MINK1: variants seen among roughly 807,000 people sequenced by gnomAD.
MINK1 encodes misshapen like kinase 1, also known as misshapen-like kinase 1.
In MINK1, 46 loss-of-function variants were observed where a neutral mutation model predicts 178.4. The observed-to-expected ratio is 0.26, with a 90% confidence interval of 0.20 to 0.33. The LOEUF (loss-of-function observed/expected upper bound fraction) is 0.33, where lower values mean the gene tolerates loss of function less well. MINK1 is among the 10% of genes least tolerant of loss of function. The probability of loss-of-function intolerance (pLI) is 1.00; values close to 1 mark genes in which losing one functional copy is unlikely to be tolerated. For missense variants in MINK1, 1,366 were observed against 1,814.9 expected, an observed-to-expected ratio of 0.75 and a Z score of 4.49; for synonymous variants, 797 against 709.7, an observed-to-expected ratio of 1.12 and a Z score of -1.96.
In MINK1 at chr17:4,897,544, A is replaced by G; in HGVS notation, c.*257A>G. On this transcript the variant is annotated 3_prime_UTR_variant, in exon 32 of 32. Coordinates refer to ENST00000355280, the MANE Select transcript of MINK1 (RefSeq NM_153827.5). Reference sequence around the variant, plus strand: ...GGGACACAGCTTCCCCTTCCCAGGAATTGAGTGGGCCTAGCCCCTCCCCCC... The same window carrying G: ...GGGACACAGCTTCCCCTTCCCAGGAGTTGAGTGGGCCTAGCCCCTCCCCCC... 1 of 483,146 alleles carries G rather than the reference A, an allele frequency of 2.1e-6. No individual in the cohort carries two copies. Among genetic ancestry groups the G allele is most frequent in the Non-Finnish European group, 3.7e-6 (1 of 268,100 alleles). The allele number at this position is 483,146 out of a possible 1,614,324, so 29.9% of individuals were successfully genotyped here.
chr17:4,893,386 C>T (rs1969076566), intron 20 of MINK1, 48 bp from the exon 21 acceptor site: 1 of 1,603,466 alleles, frequency 6.2e-7, no homozygotes, highest in Non-Finnish European at 8.5e-7. Flanking sequence ...TGTCTACCTC[C>T]ACCCAGGCCC....
intron 1 of MINK1, among the ~76,000 whole-genome samples, chr17:4,862,667 GAA>G (rs1297511663): frequency 3.4e-5 from 5 of 148,712 alleles, no homozygotes; most frequent in Non-Finnish European, 6.0e-5. Context: ...AAAAAAAAAA[GAA>G]AAATTAGTTG....
Position 4,844,830 on chromosome 17 carries a change from GTGT to G in MINK1, c.57+11201_57+11203del, listed in dbSNP as rs546334417. Among the ~76,000 whole-genome samples the G allele has an allele frequency of 4.7e-3, 719 of 152,258 alleles. 3 individuals carry two copies. Among genetic ancestry groups the G allele is most frequent in the Middle Eastern group, 0.02 (6 of 294 alleles). On this transcript the variant is annotated intron_variant, in intron 1 of 31. Coordinates refer to ENST00000355280, the MANE Select transcript of MINK1 (RefSeq NM_153827.5). ...TCATTTCCCCCCACCCTTTAAAAAT[GTGT>G]TGTTGTTGTTTTTTAATGTGATTAA...
intron 13 of MINK1, chr17:4,890,214 TC>T (rs1567612614): frequency 2.1e-6 from 1 of 475,794 alleles, no homozygotes; most frequent in Admixed American, 5.3e-5. Context: ...CCACACCCCG[TC>T]CCCCAGGAAT....
At chr17:4,834,904 G>A (rs1909071034) in intron 1 of MINK1, 1 of 518,758 alleles carries the variant, frequency 1.9e-6, no homozygotes, top group African/African-American at 1.9e-5. Flanking sequence ...GAGGGGAGAG[G>A]GGAATTGAAG....
At chr17:4,873,310 A>G (rs968317373) in intron 1 of MINK1, among the ~76,000 whole-genome samples, 1 of 151,084 alleles carries the variant, frequency 6.6e-6, no homozygotes, top group Non-Finnish European at 1.5e-5. Flanking sequence ...AACATCCCCA[A>G]TTCAACATTC....
intron 1 of MINK1, among the ~76,000 whole-genome samples, chr17:4,872,346 A>G (rs1309326717): frequency 2.0e-5 from 3 of 150,348 alleles, no homozygotes; most frequent in African/African-American, 4.9e-5. Flanking sequence ...AAAAAAAAAA[A>G]GGATGGACAG....
At chr17:4,841,367 T>C (rs995109766) in intron 1 of MINK1, among the ~76,000 whole-genome samples, 1 of 152,108 alleles carries the variant, frequency 6.6e-6, no homozygotes, top group Admixed American at 6.6e-5. Flanking sequence ...TTTGAAGGGC[T>C]TGGGTTGCCG....
intron 21 of MINK1, 92 bp from the exon 22 acceptor site, chr17:4,893,896 C>T (rs975400704): frequency 2.2e-5 from 25 of 1,123,380 alleles, no homozygotes; most frequent in Non-Finnish European, 1.4e-5. Flanking sequence ...TGAATAGAGA[C>T]AAAAGCCTGG....
At chr17:4,856,119 AT>A (rs749501505) in intron 1 of MINK1, among the ~76,000 whole-genome samples, 34 of 152,206 alleles carry the variant, frequency 2.2e-4, no homozygotes, top group Non-Finnish European at 4.4e-4. Context: ...CCATAGGAAC[AT>A]TTAATCTGTC....
intron 1 of MINK1, among the ~76,000 whole-genome samples, chr17:4,850,412 G>A (rs1233138992): frequency 6.6e-6 from 1 of 151,948 alleles, no homozygotes; most frequent in Non-Finnish European, 1.5e-5. Context: ...ATTTATCCTG[G>A]GTTGGTCCTT....
At chr17:4,871,004 A>G in intron 1 of MINK1, 1 of 283,350 alleles carries the variant, frequency 3.5e-6, no homozygotes, top group Non-Finnish European at 7.7e-6. Flanking sequence ...CCTGGCAACC[A>G]CTAATCTACT....
At chr17:4,875,602 G>A (rs956205385) in intron 1 of MINK1, 13 of 389,562 alleles carry the variant, frequency 3.3e-5, no homozygotes, top group African/African-American at 1.9e-4. Flanking sequence ...GTGAAACCAC[G>A]TCTCTACTAA....
At chr17:4,892,601 A>G in intron 18 of MINK1, 55 bp from the exon 19 acceptor site, 1 of 1,546,422 alleles carries the variant, frequency 6.5e-7, no homozygotes, top group Non-Finnish European at 8.8e-7. Context: ...GCAGCTCAGC[A>G]CCCCAGAGAA....
chr17:4,887,552 A>C lies in MINK1; in HGVS notation c.1020-28A>C, dbSNP rs977093854. On this transcript the variant is annotated intron_variant, in intron 11 of 31. Coordinates refer to ENST00000355280, the MANE Select transcript of MINK1 (RefSeq NM_153827.5). The surrounding 1 kb of genome is among the most constrained non-coding windows in gnomAD (Gnocchi z 7.6). ...TGGGAACCAACAGGGTTCTGACCCC[A>C]GTGCTTCTTTGTGCCACCCCTGCCC... is the stretch of plus-strand genomic sequence containing the variant. 1 of 1,475,318 alleles carries C rather than the reference A, an allele frequency of 6.8e-7. No individual in the cohort carries two copies. Among genetic ancestry groups the C allele is most frequent in the African/African-American group, 1.4e-5 (1 of 70,318 alleles). 91.4% of individuals were successfully genotyped at this position (1,475,318 alleles called of 1,614,324 possible). A position where few individuals can be genotyped will look rare whatever the true frequency, so the allele number is the denominator to read the frequency against.
Position 4,890,511 on chromosome 17 carries a change from G to T in MINK1, c.1348-6G>T. On this transcript the variant is annotated splice_region_variant and splice_polypyrimidine_tract_variant and intron_variant, in intron 13 of 31. Transcript: ENST00000355280. ...CTGAGCCCTCTCTCCCTACCCTTGG[G>T]CCCAGGAATACAAGCGGAAGCAGCT... The T allele has an allele frequency of 6.3e-7, 1 of 1,583,590 alleles. No individual in the cohort carries two copies. Among genetic ancestry groups the T allele is most frequent in the Non-Finnish European group, 8.6e-7 (1 of 1,165,594 alleles).
Position 4,895,949 on chromosome 17 carries a change from C to G in MINK1, c.3365-54C>G. 1 of 1,564,444 alleles carries G rather than the reference C, an allele frequency of 6.4e-7. No homozygotes were observed. Among genetic ancestry groups the G allele is most frequent in the Non-Finnish European group, 8.7e-7 (1 of 1,153,982 alleles). ...AGTGTAGTGACAGACCACGGGGAGG[C>G]GCCCGTGGCGCAAGAAGGGAAGTCT... On this transcript the variant is annotated intron_variant, in intron 27 of 31. Coordinates refer to ENST00000355280, the MANE Select transcript of MINK1 (RefSeq NM_153827.5). The surrounding 1 kb of genome is among the most constrained non-coding windows in gnomAD (Gnocchi z 4.3).
chr17:4,892,446 C>G lies in MINK1; in HGVS notation c.2132C>G (p.Ala711Gly). The G allele has an allele frequency of 6.4e-7, 1 of 1,563,918 alleles. No individual in the cohort carries two copies. The highest frequency in any genetic ancestry group is 8.7e-7 in the Non-Finnish European group (1 of 1,155,672). Residue 711 changes from alanine (A) to glycine (G), a missense_variant, in exon 18 of 32, where the codon GCA becomes GGA. Physicochemically the swap from Ala to Gly is moderately conservative, Grantham distance 60. Transcript: ENST00000355280. ...SAWQIYLQRR[A>G]ERGTPKPPGP... ...TGGCAAATCTATCTGCAAAGGCGGG[C>G]AGAGCGGGGCACCCCAAAGCCTCCA...
At chr17:4,856,437 C>G (rs986595547) in intron 1 of MINK1, among the ~76,000 whole-genome samples, 1 of 149,570 alleles carries the variant, frequency 6.7e-6, no homozygotes, top group Non-Finnish European at 1.5e-5. Flanking sequence ...CTCACACTCT[C>G]TTTTTTTTTT....
Sources: gnomAD v4.1 joint callset for allele counts (sites outside exome capture counted in the v4.1 genomes callset) on GRCh38, gnomAD v4.1.1 for gene constraint, Gnocchi (gnomAD v3.1) non-coding constraint, MANE v1.5 for transcripts, NCBI Gene and HGNC (gene_info 2026-07-23, HGNC 2026-07-21) for gene names.